Variants in MARCHF1 observed in about 807,000 individuals in gnomAD.
The protein encoded by MARCHF1 is E3 ubiquitin-protein ligase MARCHF1.
Under a neutral mutation model 54.2 loss-of-function variants are expected in MARCHF1, and 40 were observed. The observed-to-expected ratio is 0.74, with a 90% confidence interval of 0.57 to 0.96. MARCHF1 has a LOEUF of 0.96. Among genes scored for constraint, MARCHF1 ranks in the 40% least tolerant of loss-of-function variants. The pLI is 0.00. For synonymous variants in MARCHF1, 236 were observed against 236.3 expected, an observed-to-expected ratio of 1.00 and a Z score of 0.01; for missense variants, 586 against 656.5, an observed-to-expected ratio of 0.89 and a Z score of 1.17.
chr4:163,665,267 A>G (rs569328981), intron 5 of MARCHF1, among the ~76,000 whole-genome samples: 1 of 152,222 alleles, frequency 6.6e-6, no homozygotes, highest in Non-Finnish European at 1.5e-5. Flanking sequence ...TGCAAATTAC[A>G]ATGTTTTTTA....
intron 3 of MARCHF1, among the ~76,000 whole-genome samples, chr4:163,962,499 G>T (rs1752361167): frequency 6.6e-6 from 1 of 151,870 alleles, no homozygotes; most frequent in African/African-American, 2.4e-5. Context: ...TGTAAGGAAT[G>T]ATTTAAAAAT....
At chr4:164,330,856 A>T (rs1735417083) in intron 1 of MARCHF1, among the ~76,000 whole-genome samples, 1 of 152,180 alleles carries the variant, frequency 6.6e-6, no homozygotes, top group Admixed American at 6.5e-5. Context: ...CTACACCTAA[A>T]TTTATTGAAA....
intron 4 of MARCHF1, among the ~76,000 whole-genome samples, chr4:163,741,427 A>T (rs572085413): frequency 5.3e-5 from 8 of 152,194 alleles, no homozygotes; most frequent in Admixed American, 3.3e-4. Flanking sequence ...TCTACCAAAA[A>T]TACAAATTAG....
At chr4:163,670,803 CA>C (rs1743710978) in intron 5 of MARCHF1, among the ~76,000 whole-genome samples, 1 of 152,160 alleles carries the variant, frequency 6.6e-6, no homozygotes, top group East Asian at 1.9e-4. Context: ...TCGAGAAACA[CA>C]AATGTTTTTA....
intron 2 of MARCHF1, among the ~76,000 whole-genome samples, chr4:164,069,526 A>G (rs1170664791): frequency 6.6e-6 from 1 of 152,132 alleles, no homozygotes; most frequent in African/African-American, 2.4e-5. Context: ...ACAACTCCAG[A>G]CACGCCGCCT....
At chr4:163,634,936 A>C (rs1314711251) in intron 5 of MARCHF1, among the ~76,000 whole-genome samples, 6 of 118,848 alleles carry the variant, frequency 5.0e-5, no homozygotes, top group Non-Finnish European at 9.9e-5. Context: ...ACTCAGGATT[A>C]AGAATCTCAC....
At chr4:163,698,533 T>C (rs1272263003) in intron 5 of MARCHF1, among the ~76,000 whole-genome samples, 2 of 152,200 alleles carry the variant, frequency 1.3e-5, no homozygotes, top group Admixed American at 6.6e-5. Flanking sequence ...TGTTTAAGAA[T>C]AGAGTTTTTT....
intron 8 of MARCHF1, among the ~76,000 whole-genome samples, chr4:163,576,830 T>TTAAC (rs1386891642): frequency 6.6e-6 from 1 of 151,798 alleles, no homozygotes; most frequent in East Asian, 1.9e-4. Context: ...CTGTTTTTTT[T>TTAAC]TAACTATTGG....
At chr4:164,114,430 T>C (rs1342348057) in intron 1 of MARCHF1, among the ~76,000 whole-genome samples, 3 of 151,804 alleles carry the variant, frequency 2.0e-5, no homozygotes, top group Non-Finnish European at 2.9e-5. Context: ...CAATTAGCAT[T>C]TACCCATTAA....
At chr4:164,010,231 G>GT (rs1196926920) in intron 2 of MARCHF1, among the ~76,000 whole-genome samples, 111 of 147,830 alleles carry the variant, frequency 7.5e-4, no homozygotes, top group South Asian at 1.7e-3. Flanking sequence ...CACGCTCAGC[G>GT]TTTTTTTTTG....
At chr4:163,829,324 G>A (rs542278368) in intron 4 of MARCHF1, among the ~76,000 whole-genome samples, 111 of 152,182 alleles carry the variant, frequency 7.3e-4, no homozygotes, top group Admixed American at 4.1e-3. Context: ...TGCCTATTCT[G>A]CCATATAGAG....
At chr4:163,933,960 G>A (rs2111405472) in intron 3 of MARCHF1, among the ~76,000 whole-genome samples, 1 of 152,312 alleles carries the variant, frequency 6.6e-6, no homozygotes, top group Middle Eastern at 3.4e-3. Flanking sequence ...ACTGTGTAAT[G>A]CAAGTAGCAT....
chr4:164,312,911 A>G (rs1734900431), intron 1 of MARCHF1, among the ~76,000 whole-genome samples: 1 of 152,162 alleles, frequency 6.6e-6, no homozygotes, highest in Non-Finnish European at 1.5e-5. Flanking sequence ...CTAAGTTTGC[A>G]TTAGAACAGT....
At chr4:164,345,520 A>C (rs1730063827) in intron 1 of MARCHF1, among the ~76,000 whole-genome samples, 1 of 151,706 alleles carries the variant, frequency 6.6e-6, no homozygotes. Context: ...CAGTGAGCCA[A>C]GATGGTGCCA....
chr4:163,706,997 T>G (rs1184758980), intron 4 of MARCHF1, among the ~76,000 whole-genome samples: 1 of 152,092 alleles, frequency 6.6e-6, no homozygotes, highest in African/African-American at 2.4e-5. Flanking sequence ...CAGTCAGTAT[T>G]GAGGATAGTT....
chr4:164,133,638 A>C (rs957054159), intron 1 of MARCHF1, among the ~76,000 whole-genome samples: 2 of 152,234 alleles, frequency 1.3e-5, no homozygotes, highest in Non-Finnish European at 2.9e-5. Flanking sequence ...GTTATTGGTA[A>C]CTTTACCAAA....
At chr4:163,708,337 T>C (rs1196906118) in intron 4 of MARCHF1, among the ~76,000 whole-genome samples, 3 of 152,122 alleles carry the variant, frequency 2.0e-5, no homozygotes, top group Admixed American at 6.6e-5. Flanking sequence ...CTTTGTGTCC[T>C]TATTTTTTTC....
chr4:163,733,195 A>ATACACG lies in MARCHF1; in HGVS notation c.112-32333_112-32332insCGTGTA, dbSNP rs1554008822. ...TATGTGTGTATATATATATATATAT[A>ATACACG]TATATATATATATATATATATATAT... On this transcript the variant is annotated intron_variant, in intron 4 of 9. Transcript: ENST00000514618. 3.0e-4 allele frequency among the ~76,000 whole-genome samples: 8 copies of ATACACG among 26,350 alleles called. 2 individuals carry two copies. Among genetic ancestry groups the ATACACG allele is most frequent in the African/African-American group, 9.9e-4 (8 of 8,042 alleles). The allele number at this position is 26,350 out of a possible 152,430, so 17.3% of individuals were successfully genotyped here.
chr4:163,659,761 A>G (rs1257962107), intron 5 of MARCHF1, among the ~76,000 whole-genome samples: 2 of 152,164 alleles, frequency 1.3e-5, no homozygotes, highest in East Asian at 1.9e-4. Flanking sequence ...ACACTTCTCA[A>G]AAGAAGACAT....
Sources: allele counts gnomAD v4.1 joint callset (sites outside exome capture counted in the v4.1 genomes callset), GRCh38; gene constraint gnomAD v4.1.1; transcripts MANE v1.5; gene names NCBI Gene and HGNC (gene_info 2026-07-23, HGNC 2026-07-21).